Variants in PCDHA1 observed in about 807,000 individuals in gnomAD.
The protein encoded by PCDHA1 is protocadherin alpha 1, also known as protocadherin alpha-1.
A neutral mutation model predicts 61.3 loss-of-function variants in PCDHA1; 42 were observed. The observed-to-expected ratio is 0.69, with a 90% CI of 0.54 to 0.89. PCDHA1 has a LOEUF of 0.89. Ranked by LOEUF, PCDHA1 falls within the 40% of genes least tolerant of loss-of-function variation. PCDHA1 has a pLI of 0.00. For synonymous variants in PCDHA1, 610 were observed against 553.8 expected, an observed-to-expected ratio of 1.10 and a Z score of -1.43; for missense variants, 1,256 against 1,235.3, an observed-to-expected ratio of 1.02 and a Z score of -0.25.
chr5:140,806,701 A>T (rs1763770331), intron 1 of PCDHA1, among the ~76,000 whole-genome samples: 1 of 152,252 alleles, frequency 6.6e-6, no homozygotes, highest in South Asian at 2.1e-4. Flanking sequence ...AGGAATCTGT[A>T]ATGAATTTTT....
rs2150128291 is a variant in PCDHA1, at chr5:140,823,697, C to G, written c.2394+35013C>G. On this transcript the variant is annotated intron_variant, in intron 1 of 3. Coordinates refer to ENST00000504120, the MANE Select transcript of PCDHA1 (RefSeq NM_018900.4). ...ACACGCTCTCTGGATGAGACCGAAG[C>G]ACCGCGCCACCGCCTTCTGGTGCTG... 29 of 1,613,838 alleles carry G rather than the reference C, an allele frequency of 1.8e-5. No individual in the cohort carries two copies. The highest frequency in any genetic ancestry group is 2.3e-5 in the Non-Finnish European group (27 of 1,179,946).
intron 1 of PCDHA1, among the ~76,000 whole-genome samples, chr5:140,793,692 T>C (rs1440140873): frequency 6.6e-6 from 1 of 152,206 alleles, no homozygotes; most frequent in African/African-American, 2.4e-5. Flanking sequence ...CATCTTATCT[T>C]TATTCTATTT....
At chr5:140,855,253 C>A (rs2043395056) in intron 1 of PCDHA1, among the ~76,000 whole-genome samples, 2 of 149,832 alleles carry the variant, frequency 1.3e-5, no homozygotes, top group South Asian at 4.2e-4. Flanking sequence ...CAAGCACTTA[C>A]TATATTATAA....
chr5:140,897,457 C>T (rs1173344812), intron 1 of PCDHA1, among the ~76,000 whole-genome samples: 11 of 151,186 alleles, frequency 7.3e-5, no homozygotes, highest in East Asian at 1.9e-4. Context: ...TTTGTCCTTG[C>T]GATAGTTTAC....
chr5:140,869,439 G>A (rs1554163055), intron 1 of PCDHA1: 1 of 1,614,212 alleles, frequency 6.2e-7, no homozygotes. Flanking sequence ...TCGTGGACAG[G>A]CCGCTGCAGG....
intron 1 of PCDHA1, among the ~76,000 whole-genome samples, chr5:140,959,991 G>A (rs2095520706): frequency 6.6e-6 from 1 of 152,168 alleles, no homozygotes; most frequent in South Asian, 2.1e-4. Flanking sequence ...GTTGGGATAT[G>A]AAATACAAAT....
At chr5:140,881,594 A>G (rs1464236535) in intron 1 of PCDHA1, among the ~76,000 whole-genome samples, 7 of 152,244 alleles carry the variant, frequency 4.6e-5, no homozygotes, top group Admixed American at 6.5e-5. Context: ...AGGGAAATTT[A>G]TTAATATGAT....
At chr5:140,889,159 A>G (rs1392016642) in intron 1 of PCDHA1, among the ~76,000 whole-genome samples, 1 of 151,652 alleles carries the variant, frequency 6.6e-6, no homozygotes, top group Non-Finnish European at 1.5e-5. Context: ...CTTCTTTGTT[A>G]AGTATTCAAG....
Position 140,786,706 on chromosome 5 carries a change from T to C in PCDHA1, c.416T>C (p.Ile139Thr). The change falls in exon 1 of 4, where the codon ATA (isoleucine) becomes ACA (threonine). Residue 139 changes from isoleucine to threonine, a missense_variant. Physicochemically the swap from Ile to Thr is moderately conservative, Grantham distance 89. Coordinates refer to ENST00000504120, the MANE Select transcript of PCDHA1 (RefSeq NM_018900.4). ...NPPVFRGREQ[I>T]IFIPESRLLN... ...CCCGTCTTCAGGGGCAGAGAACAAATAATATTTATTCCTGAATCTAGACTC... is the reference window on the plus strand; with the variant it reads ...CCCGTCTTCAGGGGCAGAGAACAAACAATATTTATTCCTGAATCTAGACTC... 1.9e-6 allele frequency: 3 copies of C among 1,614,142 alleles called. No individual in the cohort carries two copies. Among genetic ancestry groups the C allele is most frequent in the South Asian group, 1.1e-5 (1 of 91,078 alleles).
chr5:140,968,355 G>C lies in PCDHA1; in HGVS notation c.2395-10594G>C. On this transcript the variant is annotated intron_variant, in intron 1 of 3. Transcript: ENST00000504120. ...GTCTCCATTAACAGTGCCAGTGGCA[G>C]CCTTTATGCTGTCAACTCCTTTGAC... 1 of 1,614,080 alleles carries C rather than the reference G, an allele frequency of 6.2e-7. No individual in the cohort carries two copies. The highest frequency in any genetic ancestry group is 8.5e-7 in the Non-Finnish European group (1 of 1,180,010).
intron 1 of PCDHA1, chr5:140,876,718 G>T (rs1554168825): frequency 1.9e-6 from 3 of 1,614,124 alleles, no homozygotes; most frequent in African/African-American, 1.3e-5. Flanking sequence ...CCTGGACCGC[G>T]AGAGCGTGTC....
chr5:141,003,623 G>C (rs572368614), intron 3 of PCDHA1, among the ~76,000 whole-genome samples: 1 of 152,240 alleles, frequency 6.6e-6, no homozygotes, highest in East Asian at 1.9e-4. Flanking sequence ...CCAGAGGGCA[G>C]TTTTTAAAGT....
At position 140,788,379 on chromosome 5, in the gene PCDHA1, A is replaced by G. The variant is rs1438906221; in HGVS notation, c.2089A>G (p.Asn697Asp). The change falls in exon 1 of 4, where the codon AAC (asparagine) becomes GAC (aspartate). Residue 697 changes from asparagine (N) to aspartate (D), a missense_variant. By Grantham distance (23) the Asn-to-Asp change is conservative. Coordinates refer to ENST00000504120, the MANE Select transcript of PCDHA1 (RefSeq NM_018900.4). The part of the protein sequence containing the change: ...AGPEAALVDV[N>D]VYLIIAICAV... Reference sequence around the variant, plus strand: ...CCCAGAGGCGGCGCTGGTGGATGTCAACGTGTACCTGATCATCGCCATCTG... The same window carrying G: ...CCCAGAGGCGGCGCTGGTGGATGTCGACGTGTACCTGATCATCGCCATCTG... 1.2e-6 allele frequency: 2 copies of G among 1,613,990 alleles called. No homozygotes were observed.
chr5:140,969,704 T>G (rs1317094729), intron 1 of PCDHA1, among the ~76,000 whole-genome samples: 10 of 152,172 alleles, frequency 6.6e-5, no homozygotes, highest in African/African-American at 2.4e-4. Flanking sequence ...TGCTGTATCA[T>G]CTACAGGGAA....
At chr5:140,959,602 C>CTT (rs1554224184) in intron 1 of PCDHA1, among the ~76,000 whole-genome samples, 1 of 152,008 alleles carries the variant, frequency 6.6e-6, no homozygotes, top group African/African-American at 2.4e-5. Context: ...GTATAACATG[C>CTT]TTTTCTTGCT....
At chr5:140,870,990 G>A (rs781832962) in intron 1 of PCDHA1, 2 of 1,613,518 alleles carry the variant, frequency 1.2e-6, no homozygotes, top group South Asian at 1.1e-5. Context: ...ACACGGGCGA[G>A]ATAAGCACAA....
chr5:140,871,702 T>C, intron 1 of PCDHA1: 1 of 877,954 alleles, frequency 1.1e-6, no homozygotes, highest in Non-Finnish European at 1.7e-6. Flanking sequence ...CTTTAACCAA[T>C]AAATGTCCTA....
intron 1 of PCDHA1, chr5:140,796,645 A>C: frequency 6.2e-7 from 1 of 1,613,836 alleles, no homozygotes; most frequent in Non-Finnish European, 8.5e-7. Flanking sequence ...CGAGAACGAC[A>C]ACGCGCCGGC....
intron 1 of PCDHA1, chr5:140,801,314 C>A: frequency 6.2e-7 from 1 of 1,613,342 alleles, no homozygotes; most frequent in East Asian, 2.2e-5. Flanking sequence ...CTGAGGAGGC[C>A]AAGCATGGCA....
Sources: allele counts gnomAD v4.1 joint callset (sites outside exome capture counted in the v4.1 genomes callset), GRCh38; gene constraint gnomAD v4.1.1; transcripts MANE v1.5; gene names NCBI Gene and HGNC (gene_info 2026-07-23, HGNC 2026-07-21).